The following WDR70 variants were observed in gnomAD, a reference collection of about 807,000 sequenced individuals.
WDR70 encodes WD repeat-containing protein 70.
Under a neutral mutation model 88.6 loss-of-function variants are expected in WDR70, and 53 were observed. The observed-to-expected ratio is 0.60, with a 90% CI of 0.48 to 0.75. WDR70 has a LOEUF of 0.75. Ranked by LOEUF, WDR70 falls within the 30% of genes least tolerant of loss-of-function variation. WDR70 has a pLI of 0.00. For synonymous variants in WDR70, 280 were observed against 270.0 expected (o/e 1.04, Z -0.36); for missense variants, 610 against 823.2 (o/e 0.74, Z 3.17).
chr5:37,380,730 C>T (rs899850629), intron 2 of WDR70, among the ~76,000 whole-genome samples: 2 of 152,166 alleles, frequency 1.3e-5, no homozygotes, highest in African/African-American at 4.8e-5. Flanking sequence ...TCATTGCAGC[C>T]TCCTCCTCCC....
intron 9 of WDR70, among the ~76,000 whole-genome samples, chr5:37,583,689 T>A (rs1743285986): frequency 6.6e-6 from 1 of 151,906 alleles, no homozygotes; most frequent in Non-Finnish European, 1.5e-5. Context: ...GGATCCCTTA[T>A]ACTTGTGTCC....
intron 9 of WDR70, among the ~76,000 whole-genome samples, chr5:37,537,581 G>C (rs1741702359): frequency 6.6e-6 from 1 of 151,924 alleles, no homozygotes; most frequent in Admixed American, 6.6e-5. Flanking sequence ...CCAGAATCAT[G>C]GTTCTGTTTT....
At chr5:37,576,360 A>G (rs1743051447) in intron 9 of WDR70, among the ~76,000 whole-genome samples, 1 of 151,834 alleles carries the variant, frequency 6.6e-6, no homozygotes, top group Non-Finnish European at 1.5e-5. Context: ...GCAAGATAAT[A>G]GCTCCTTATC....
At chr5:37,417,740 T>C (rs1397119882) in intron 5 of WDR70, among the ~76,000 whole-genome samples, 1 of 151,970 alleles carries the variant, frequency 6.6e-6, no homozygotes, top group Non-Finnish European at 1.5e-5. Flanking sequence ...AGAGGTGGAG[T>C]CTTGCTATGT....
At chr5:37,482,340 G>A (rs966777128) in intron 8 of WDR70, among the ~76,000 whole-genome samples, 13 of 152,134 alleles carry the variant, frequency 8.5e-5, no homozygotes, top group Non-Finnish European at 1.5e-4. Context: ...AAGGAAAGAG[G>A]TTGAATTGAC....
intron 9 of WDR70, among the ~76,000 whole-genome samples, chr5:37,525,501 G>C (rs928168719): frequency 2.6e-5 from 4 of 152,158 alleles, no homozygotes; most frequent in Non-Finnish European, 5.9e-5. Context: ...GAAATTTATA[G>C]CACTACATGC....
intron 17 of WDR70, among the ~76,000 whole-genome samples, chr5:37,750,216 T>C (rs1263141596): frequency 1.3e-5 from 2 of 152,100 alleles, no homozygotes; most frequent in Non-Finnish European, 2.9e-5. Flanking sequence ...CTACGGATAC[T>C]TTTGGAAGGT....
intron 8 of WDR70, among the ~76,000 whole-genome samples, chr5:37,484,094 C>T (rs1165007682): frequency 6.6e-6 from 1 of 151,992 alleles, no homozygotes; most frequent in African/African-American, 2.4e-5. Flanking sequence ...CAGAGGGGCT[C>T]CTCACATCCC....
At chr5:37,447,705 C>A (rs1738546138) in intron 7 of WDR70, among the ~76,000 whole-genome samples, 1 of 152,126 alleles carries the variant, frequency 6.6e-6, no homozygotes, top group Admixed American at 6.5e-5. Context: ...CCAAACACCG[C>A]ATGTTCTCAC....
At chr5:37,410,866 A>G (rs1308260652) in intron 5 of WDR70, among the ~76,000 whole-genome samples, 1 of 152,252 alleles carries the variant, frequency 6.6e-6, no homozygotes, top group East Asian at 1.9e-4. Context: ...ATCTATTTCC[A>G]TAAGAACCAT....
At chr5:37,443,745 G>T (rs1368493552) in intron 7 of WDR70, among the ~76,000 whole-genome samples, 1 of 151,646 alleles carries the variant, frequency 6.6e-6, no homozygotes, top group East Asian at 2.0e-4. Flanking sequence ...CCAGCTACTC[G>T]GGAGGCTGAG....
chr5:37,414,158 A>AAG (rs1299102570), intron 5 of WDR70, among the ~76,000 whole-genome samples: 1 of 151,544 alleles, frequency 6.6e-6, no homozygotes, highest in South Asian at 2.1e-4. Flanking sequence ...AAAAAAAAAA[A>AAG]AAAAAGAAAA....
At chr5:37,404,660 T>A (rs962076210) in intron 5 of WDR70, among the ~76,000 whole-genome samples, 2 of 152,186 alleles carry the variant, frequency 1.3e-5, no homozygotes, top group Non-Finnish European at 2.9e-5. Flanking sequence ...GCCATGAACA[T>A]GTAGATATTC....
intron 17 of WDR70, among the ~76,000 whole-genome samples, chr5:37,739,355 A>G (rs753406828): frequency 1.3e-5 from 2 of 152,152 alleles, no homozygotes; most frequent in Non-Finnish European, 2.9e-5. Flanking sequence ...CTTCGAGTCA[A>G]TCCCTTTATA....
chr5:37,473,015 C>A (rs1376915754), intron 7 of WDR70, among the ~76,000 whole-genome samples: 1 of 151,932 alleles, frequency 6.6e-6, no homozygotes, highest in East Asian at 1.9e-4. Context: ...TATGAGAATT[C>A]TAATTGCTCC....
At chr5:37,724,894 T>G in intron 15 of WDR70, 40 bp from the exon 16 acceptor site, 1 of 1,562,734 alleles carries the variant, frequency 6.4e-7, no homozygotes, top group Non-Finnish European at 8.8e-7. Context: ...ATGGGAAGGT[T>G]ATTGTTATAA....
intron 5 of WDR70, among the ~76,000 whole-genome samples, chr5:37,433,754 T>A (rs1750386491): frequency 6.6e-6 from 1 of 152,208 alleles, no homozygotes; most frequent in Non-Finnish European, 1.5e-5. Flanking sequence ...AACCACCTAC[T>A]TTCTTAGGCA....
intron 7 of WDR70, among the ~76,000 whole-genome samples, chr5:37,474,791 C>T (rs1739427996): frequency 6.6e-6 from 1 of 152,166 alleles, no homozygotes; most frequent in African/African-American, 2.4e-5. Flanking sequence ...CCATGTGTTC[C>T]CATCATTCAG....
chr5:37,743,514 G>A (rs542095595), intron 17 of WDR70, among the ~76,000 whole-genome samples: 7 of 152,302 alleles, frequency 4.6e-5, no homozygotes, highest in East Asian at 1.9e-4. Context: ...TGCCTAACAC[G>A]CTAAGCTCTC....
Sources: gnomAD v4.1 joint callset for allele counts (sites outside exome capture counted in the v4.1 genomes callset) on GRCh38, gnomAD v4.1.1 for gene constraint, MANE v1.5 for transcripts, NCBI Gene and HGNC (gene_info 2026-07-23, HGNC 2026-07-21) for gene names.